The following PLCE1 variants were observed in gnomAD, a reference collection of about 807,000 sequenced individuals.
PLCE1 encodes phospholipase C epsilon 1.
PLCE1 carries 119 observed loss-of-function variants against 242.8 expected under a neutral mutation model. The observed-to-expected ratio is 0.49, with a 90% CI of 0.42 to 0.57. The LOEUF (loss-of-function observed/expected upper bound fraction) is 0.57, where lower values mean the gene tolerates loss of function less well. Ranked by LOEUF, PLCE1 falls within the 20% of genes least tolerant of loss-of-function variation. The pLI is 0.00. For missense variants in PLCE1, 2,441 were observed against 2,788.8 expected (o/e 0.88, Z 2.81); for synonymous variants, 945 against 1,017.4 (o/e 0.93, Z 1.35).
intron 4 of PLCE1, among the ~76,000 whole-genome samples, chr10:94,202,134 G>C (rs2049005371): frequency 6.6e-6 from 1 of 152,116 alleles, no homozygotes; most frequent in African/African-American, 2.4e-5. Flanking sequence ...TCAATTTACA[G>C]GTGTTACAGA....
intron 2 of PLCE1, among the ~76,000 whole-genome samples, chr10:94,060,913 TCTCAAACTCCTGGG>T (rs1397354755): frequency 1.1e-4 from 14 of 125,450 alleles, no homozygotes; most frequent in Admixed American, 1.0e-3. Flanking sequence ...CCCAGCCTGG[TCTCAAACTCCTGGG>T]CTCAATGATC....
chr10:94,258,704 C>A, intron 11 of PLCE1, 96 bp from the exon 12 acceptor site: 1 of 1,443,006 alleles, frequency 6.9e-7, no homozygotes, highest in Non-Finnish European at 9.8e-7. Flanking sequence ...TTGCACTCAT[C>A]CTTTTGCTCA....
intron 1 of PLCE1, among the ~76,000 whole-genome samples, chr10:94,007,454 G>A (rs58396211): frequency 0.011 from 1,600 of 152,152 alleles, 10 homozygotes; most frequent in Middle Eastern, 0.02. Context: ...TGCCTTCCTG[G>A]TGCTAGTATG....
At chr10:94,168,354 A>G (rs2047873005) in intron 3 of PLCE1, among the ~76,000 whole-genome samples, 1 of 152,256 alleles carries the variant, frequency 6.6e-6, no homozygotes, top group Admixed American at 6.5e-5. Context: ...TTATGCCCCA[A>G]GAAGACTTCT....
At chr10:94,180,527 A>C (rs1407930085) in intron 4 of PLCE1, among the ~76,000 whole-genome samples, 2 of 152,180 alleles carry the variant, frequency 1.3e-5, no homozygotes, top group African/African-American at 2.4e-5. Context: ...GATTGCCCCC[A>C]AAATCTAAAG....
At chr10:94,248,084 C>T (rs904042715) in intron 8 of PLCE1, among the ~76,000 whole-genome samples, 5 of 152,224 alleles carry the variant, frequency 3.3e-5, no homozygotes, top group African/African-American at 1.2e-4. Flanking sequence ...AGTTCTAATA[C>T]ATTTCTGACA....
At chr10:94,128,691 G>A (rs147370695) in intron 2 of PLCE1, among the ~76,000 whole-genome samples, 1 of 152,284 alleles carries the variant, frequency 6.6e-6, no homozygotes, top group East Asian at 1.9e-4. Flanking sequence ...TCAGCAACTA[G>A]CACAGGCAAG....
chr10:94,235,439 TAA>T (rs2050290129), intron 6 of PLCE1, among the ~76,000 whole-genome samples: 1 of 152,172 alleles, frequency 6.6e-6, no homozygotes, highest in African/African-American at 2.4e-5. Flanking sequence ...TTAAAGAGCT[TAA>T]AAACCAGGAA....
intron 1 of PLCE1, among the ~76,000 whole-genome samples, chr10:93,997,632 C>CTTTTTTTTTTTTTTTTTT (rs34338995): frequency 1.3e-5 from 1 of 79,872 alleles, no homozygotes; most frequent in Non-Finnish European, 2.2e-5. Flanking sequence ...AATAACCATC[C>CTTTTTTTTTTTTTTTTTT]TTTTTTTTTT....
At chr10:94,187,389 G>C (rs1456683781) in intron 4 of PLCE1, among the ~76,000 whole-genome samples, 1 of 152,042 alleles carries the variant, frequency 6.6e-6, no homozygotes, top group Admixed American at 6.6e-5. Flanking sequence ...TAACACATAA[G>C]CCACATGCTA....
At chr10:94,152,411 C>G (rs987937823) in intron 3 of PLCE1, among the ~76,000 whole-genome samples, 6 of 152,188 alleles carry the variant, frequency 3.9e-5, no homozygotes, top group Admixed American at 2.6e-4. Flanking sequence ...CGCTGCAAAT[C>G]TATGACCTTC....
chr10:94,191,387 A>T, intron 4 of PLCE1, among the ~76,000 whole-genome samples: 1 of 152,148 alleles, frequency 6.6e-6, no homozygotes, highest in Non-Finnish European at 1.5e-5. Flanking sequence ...CATGTCTGTG[A>T]TCCCAGCACT....
intron 4 of PLCE1, among the ~76,000 whole-genome samples, chr10:94,206,702 G>A (rs1179220356): frequency 6.6e-6 from 1 of 152,166 alleles, no homozygotes; most frequent in Non-Finnish European, 1.5e-5. Context: ...AGAGCTTGAG[G>A]GGTTGGAACA....
rs781056690 is a variant in PLCE1, at chr10:94,330,957, G to A, written c.*3014G>A. On this transcript the variant is annotated 3_prime_UTR_variant, in exon 33 of 33. Transcript: ENST00000371380. ...CAAGAATCTAAATATGCAAGTTGGG[G>A]TCATTACAAAATTTTAAGAAGCATC... 2 of 152,156 alleles carry A rather than the reference G, an allele frequency of 1.3e-5. No homozygotes were observed. Among genetic ancestry groups the A allele is most frequent in the Non-Finnish European group, 2.9e-5 (2 of 68,038 alleles). 9.4% of individuals were successfully genotyped at this position (152,156 alleles called of 1,614,324 possible).
chr10:94,265,993 T>G lies in PLCE1; in HGVS notation c.4281+35T>G, dbSNP rs959906415. 2.5e-6 allele frequency: 4 copies of G among 1,601,016 alleles called. No individual in the cohort carries two copies. The African/African-American group carries it at 5.4e-5, about 21-fold the overall frequency. On this transcript the variant is annotated intron_variant, in intron 16 of 32. Transcript: ENST00000371380. ...ATGCCACTTGGAATGTGGTTTTTAT[T>G]AAACCTAATTATTTATGTAACCCCC...
intron 9 of PLCE1, among the ~76,000 whole-genome samples, chr10:94,253,229 C>G (rs1345877686): frequency 6.6e-6 from 1 of 152,170 alleles, no homozygotes; most frequent in Non-Finnish European, 1.5e-5. Context: ...GTACAGGAAG[C>G]ATGGTGCCAG....
At chr10:94,159,571 A>G (rs995530524) in intron 3 of PLCE1, among the ~76,000 whole-genome samples, 1 of 152,220 alleles carries the variant, frequency 6.6e-6, no homozygotes, top group Non-Finnish European at 1.5e-5. Context: ...GCAAAGGAAA[A>G]TGGATAGAGT....
At chr10:94,324,659 G>T in intron 31 of PLCE1, 92 bp downstream of exon 31, 2 of 1,138,142 alleles carry the variant, frequency 1.8e-6, no homozygotes, top group Non-Finnish European at 2.6e-6. Context: ...AAATTTAGGA[G>T]AAAGTTCCTG....
intron 3 of PLCE1, among the ~76,000 whole-genome samples, chr10:94,153,289 T>C (rs2047328713): frequency 1.3e-5 from 2 of 152,074 alleles, no homozygotes; most frequent in South Asian, 4.1e-4. Flanking sequence ...CAATGCAATA[T>C]ATCATATGAA....
Sources: allele counts gnomAD v4.1 joint callset (sites outside exome capture counted in the v4.1 genomes callset), GRCh38; gene constraint gnomAD v4.1.1; transcripts MANE v1.5; gene names NCBI Gene and HGNC (gene_info 2026-07-23, HGNC 2026-07-21).